The following TMPRSS11B variants were observed in gnomAD, a reference collection of about 807,000 sequenced individuals.
The protein encoded by TMPRSS11B is transmembrane serine protease 11B, also known as transmembrane protease serine 11B.
A neutral mutation model predicts 44.7 loss-of-function variants in TMPRSS11B; 53 were observed. That is an observed-to-expected ratio of 1.19 (90% confidence interval 0.95 to 1.49). The LOEUF (loss-of-function observed/expected upper bound fraction) is 1.49, where lower values mean the gene tolerates loss of function less well. Ranked by LOEUF, TMPRSS11B falls within the 40% of genes most tolerant of loss-of-function variation. TMPRSS11B has a pLI of 0.00. For synonymous variants in TMPRSS11B, 140 were observed against 159.2 expected (o/e 0.88, Z 0.91); for missense variants, 526 against 494.8 (o/e 1.06, Z -0.60).
At chr4:68,230,168 G>A (rs942772227) in intron 7 of TMPRSS11B, among the ~76,000 whole-genome samples, 2 of 152,090 alleles carry the variant, frequency 1.3e-5, no homozygotes, top group Non-Finnish European at 2.9e-5. Context: ...GTTCACCGTT[G>A]CTGGGCATCT....
intron 2 of TMPRSS11B, among the ~76,000 whole-genome samples, chr4:68,241,293 A>T (rs1002114633): frequency 1.3e-5 from 2 of 152,132 alleles, no homozygotes; most frequent in Non-Finnish European, 2.9e-5. Flanking sequence ...TTATTTGCAG[A>T]TTTTTCATTG....
rs1719661429 is a variant in TMPRSS11B, at chr4:68,236,205, A to C, written c.186T>G (p.Cys62Trp). The change falls in exon 3 of 10, where the codon TGT becomes TGG. Residue 62 changes from cysteine (C) to tryptophan (W), a missense_variant. Physicochemically the swap from Cys to Trp is radical, Grantham distance 215. Transcript: ENST00000332644. ...HISGVTYNDN[C>W]ENAASQASTN... ...TGCTGGCTTGTGAAGCTGCGTTTTC[A>C]CAATTATCATTGTATGTGACTCCAG... The C allele has an allele frequency of 1.2e-6, 2 of 1,612,724 alleles. No individual in the cohort carries two copies. The highest frequency in any genetic ancestry group is 1.7e-6 in the Non-Finnish European group (2 of 1,179,466).
rs111581016 is a variant in TMPRSS11B at position 68,227,561 on chromosome 4, C to T, written c.*350G>A. On this transcript the variant is annotated 3_prime_UTR_variant, in exon 10 of 10. Transcript: ENST00000332644. ...AATAGCTGGGACTATAGGTGCACGC[C>T]ACCATGCCTAGCTAATTTTTGTATT... The T allele has an allele frequency of 1.3e-3, 195 of 153,036 alleles. No homozygotes were observed. The highest frequency in any genetic ancestry group is 4.1e-3 in the African/African-American group (171 of 41,480). The allele number at this position is 153,036 out of a possible 1,614,324, so 9.5% of individuals were successfully genotyped here.
intron 8 of TMPRSS11B, 97 bp downstream of exon 8, chr4:68,229,160 T>C (rs911539954): frequency 1.5e-5 from 19 of 1,269,500 alleles, no homozygotes; most frequent in Middle Eastern, 2.8e-4. Flanking sequence ...TATTTACTGA[T>C]TGATTAATTG....
chr4:68,228,539 T>C (rs1263466224), intron 9 of TMPRSS11B, among the ~76,000 whole-genome samples: 1 of 152,222 alleles, frequency 6.6e-6, no homozygotes, highest in Non-Finnish European at 1.5e-5. Context: ...ATTGAAAACT[T>C]CGTGAGGGCA....
At chr4:68,240,701 G>A (rs1719800033) in intron 2 of TMPRSS11B, among the ~76,000 whole-genome samples, 1 of 152,050 alleles carries the variant, frequency 6.6e-6, no homozygotes, top group African/African-American at 2.4e-5. Context: ...AACATTTCAT[G>A]GATAGATATG....
intron 8 of TMPRSS11B, 128 bp downstream of exon 8, chr4:68,229,129 C>T: frequency 9.5e-7 from 1 of 1,048,586 alleles, no homozygotes; most frequent in South Asian, 1.7e-5. Context: ...TTTGTCCCAC[C>T]ACTTGGTTTT....
At chr4:68,236,449 T>C (rs1719670087) in intron 2 of TMPRSS11B, among the ~76,000 whole-genome samples, 183 bp from the exon 3 acceptor site, 1 of 151,972 alleles carries the variant, frequency 6.6e-6, no homozygotes, top group African/African-American at 2.4e-5. Context: ...TACCTCTGCC[T>C]TAACCATTTA....
At chr4:68,242,602 C>T (rs1254324934) in intron 1 of TMPRSS11B, among the ~76,000 whole-genome samples, 6 of 149,600 alleles carry the variant, frequency 4.0e-5, no homozygotes, top group East Asian at 3.9e-4. Context: ...CAGAGCCTCA[C>T]TCTGTCATCC....
chr4:68,234,479 A>G lies in TMPRSS11B; in HGVS notation c.453T>C (p.Ala151=), dbSNP rs747565179. The G allele has an allele frequency of 6.2e-7, 1 of 1,613,884 alleles. No homozygotes were observed. The highest frequency in any genetic ancestry group is 8.5e-7 in the Non-Finnish European group (1 of 1,179,936). The change falls in exon 5 of 10, where the codon GCT becomes GCC. Residue 151 remains alanine, a synonymous_variant. Coordinates refer to ENST00000332644, the MANE Select transcript of TMPRSS11B (RefSeq NM_182502.3). Reference sequence around the variant, plus strand: ...GTCAAATACCCATGAGTTTAATGGAAGCAGGAACTGCATTCCAGGATGCCA... The same window carrying G: ...GTCAAATACCCATGAGTTTAATGGAGGCAGGAACTGCATTCCAGGATGCCA... ...NNMASWNAVP[A]SIKLMEISKA...
At chr4:68,234,429 A>G in intron 5 of TMPRSS11B, 34 bp downstream of exon 5, 2 of 1,588,418 alleles carry the variant, frequency 1.3e-6, no homozygotes, top group Non-Finnish European at 1.7e-6. Flanking sequence ...GAAAAAACCT[A>G]TGTAATAGAA....
chr4:68,240,392 G>A (rs1719791878), intron 2 of TMPRSS11B, among the ~76,000 whole-genome samples: 2 of 152,144 alleles, frequency 1.3e-5, no homozygotes, highest in African/African-American at 4.8e-5. Context: ...AGCTGCTGTA[G>A]CCTTCTATCT....
chr4:68,240,690 G>T (rs1180833725), intron 2 of TMPRSS11B, among the ~76,000 whole-genome samples: 1 of 151,946 alleles, frequency 6.6e-6, no homozygotes, highest in African/African-American at 2.4e-5. Context: ...AAGAGATTAT[G>T]AACATTTCAT....
chr4:68,237,091 G>T (rs1018742970), intron 2 of TMPRSS11B, among the ~76,000 whole-genome samples: 1 of 151,850 alleles, frequency 6.6e-6, no homozygotes, highest in African/African-American at 2.4e-5. Flanking sequence ...CTCCACTAGT[G>T]CCTCCACCTC....
chr4:68,243,320 AC>A (rs1719908707), intron 1 of TMPRSS11B, among the ~76,000 whole-genome samples: 1 of 152,232 alleles, frequency 6.6e-6, no homozygotes, highest in Middle Eastern at 3.4e-3. Flanking sequence ...GGACCAACTG[AC>A]TTTTAGGTAG....
At chr4:68,242,370 A>AATATT (rs1719883014) in intron 1 of TMPRSS11B, among the ~76,000 whole-genome samples, 5 of 34,430 alleles carry the variant, frequency 1.5e-4, no homozygotes, top group East Asian at 1.7e-3. Context: ...TATTATATAT[A>AATATT]ATATTATATA....
At position 68,228,862 on chromosome 4, in the gene TMPRSS11B, T is replaced by G; in HGVS notation, c.969A>C (p.Gln323His). Residue 323 changes from glutamine to histidine, a missense_variant, in exon 9 of 10, where the codon CAA becomes CAC. By Grantham distance (24) the Gln-to-His change is conservative. Transcript: ENST00000332644. ...TGTCAATAATCTTCAAAAAGTCTTC[T>G]TGAAGTATCACTGGAAATGAACCTA... is the stretch of plus-strand genomic sequence containing the variant. ...YMNGSFPVIL[Q>H]EDFLKIIDNK... The G allele has an allele frequency of 6.2e-7, 1 of 1,613,126 alleles. No homozygotes were observed. Among genetic ancestry groups the G allele is most frequent in the Non-Finnish European group, 8.5e-7 (1 of 1,179,724 alleles).
chr4:68,232,317 A>G, intron 6 of TMPRSS11B, 61 bp downstream of exon 6: 2 of 1,511,974 alleles, frequency 1.3e-6, no homozygotes, highest in East Asian at 4.5e-5. Flanking sequence ...TTTTAATAGA[A>G]AAATAATGAG....
chr4:68,228,783 A>T lies in TMPRSS11B; in HGVS notation c.1048T>A (p.Leu350Ile). The T allele has an allele frequency of 6.2e-7, 1 of 1,613,874 alleles. No individual in the cohort carries two copies. The highest frequency in any genetic ancestry group is 8.5e-7 in the Non-Finnish European group (1 of 1,179,856). The change falls in exon 9 of 10, where the codon TTA becomes ATA. Residue 350 changes from leucine to isoleucine, a missense_variant. Transcript: ENST00000332644. ...AYSGFVTDTM[L>I]CAGFMSGEAD... is the part of the protein sequence containing the mutation. ...TCTCCTGACATAAATCCAGCACATA[A>T]CATTGTATCAGTCACAAAGCCAGAG...
Sources: allele counts gnomAD v4.1 joint callset (sites outside exome capture counted in the v4.1 genomes callset), GRCh38; gene constraint gnomAD v4.1.1; transcripts MANE v1.5; gene names NCBI Gene and HGNC (gene_info 2026-07-23, HGNC 2026-07-21).